PTPRT: variants seen among roughly 807,000 people sequenced by gnomAD.
PTPRT encodes the protein protein tyrosine phosphatase receptor type T, also known as receptor-type tyrosine-protein phosphatase T.
In PTPRT, 56 loss-of-function variants were observed where a neutral mutation model predicts 176.8. That is an observed-to-expected ratio of 0.32 (90% CI 0.26 to 0.40). The LOEUF is 0.40. Among genes scored for constraint, PTPRT ranks in the 10% least tolerant of loss-of-function variants. PTPRT has a pLI of 1.00. For synonymous variants in PTPRT, 783 were observed against 739.0 expected, an observed-to-expected ratio of 1.06 and a Z score of -0.96; for missense variants, 1,540 against 1,908.2, an observed-to-expected ratio of 0.81 and a Z score of 3.60.
intron 3 of PTPRT, among the ~76,000 whole-genome samples, chr20:42,786,905 T>A (rs567513544): frequency 1.3e-5 from 2 of 152,334 alleles, no homozygotes; most frequent in South Asian, 4.2e-4. Context: ...GACTTCACTA[T>A]GCAACTCTGG....
At chr20:42,992,582 T>G (rs563278208) in intron 1 of PTPRT, among the ~76,000 whole-genome samples, 1 of 152,350 alleles carries the variant, frequency 6.6e-6, no homozygotes, top group South Asian at 2.1e-4. Flanking sequence ...TTTAATGGCA[T>G]GTGTCAAGAT....
intron 1 of PTPRT, among the ~76,000 whole-genome samples, chr20:43,152,345 T>C (rs1420120510): frequency 2.0e-5 from 3 of 152,228 alleles, no homozygotes; most frequent in African/African-American, 7.2e-5. Context: ...TTGTATTACT[T>C]GTTTAAAATA....
intron 7 of PTPRT, among the ~76,000 whole-genome samples, chr20:42,593,341 C>T (rs2073613008): frequency 6.6e-6 from 1 of 152,184 alleles, no homozygotes; most frequent in Non-Finnish European, 1.5e-5. Flanking sequence ...GTTCACCACT[C>T]AGACACCCAC....
At chr20:42,725,315 C>T (rs1215265716) in intron 6 of PTPRT, among the ~76,000 whole-genome samples, 1 of 152,010 alleles carries the variant, frequency 6.6e-6, no homozygotes, top group African/African-American at 2.4e-5. Context: ...TCAATAAACT[C>T]TAACTAGAAA....
chr20:42,384,786 T>C (rs1046178613), intron 9 of PTPRT, among the ~76,000 whole-genome samples: 1 of 152,354 alleles, frequency 6.6e-6, no homozygotes, highest in Middle Eastern at 3.4e-3. Context: ...ATAGCTATCC[T>C]AGCCAGTGTG....
intron 1 of PTPRT, among the ~76,000 whole-genome samples, chr20:43,011,103 C>T (rs923571685): frequency 6.6e-6 from 1 of 152,216 alleles, no homozygotes; most frequent in African/African-American, 2.4e-5. Context: ...TAGTACGCTG[C>T]AGGGTGTTGG....
intron 1 of PTPRT, among the ~76,000 whole-genome samples, chr20:43,139,654 CTA>C (rs1003917595): frequency 1.3e-5 from 2 of 152,204 alleles, no homozygotes; most frequent in African/African-American, 4.8e-5. Flanking sequence ...ATTGATTTAC[CTA>C]TGAGGGAGGG....
intron 2 of PTPRT, among the ~76,000 whole-genome samples, chr20:42,873,446 G>A (rs1357928979): frequency 6.6e-6 from 1 of 152,172 alleles, no homozygotes; most frequent in Non-Finnish European, 1.5e-5. Context: ...AGATATCCCT[G>A]TTGGTGGGAA....
At chr20:42,525,298 C>A (rs2072248816) in intron 7 of PTPRT, among the ~76,000 whole-genome samples, 1 of 152,240 alleles carries the variant, frequency 6.6e-6, no homozygotes, top group African/African-American at 2.4e-5. Flanking sequence ...TCTTTTATTT[C>A]TGTAAATGTT....
intron 1 of PTPRT, among the ~76,000 whole-genome samples, chr20:43,027,605 C>T (rs930244164): frequency 6.6e-6 from 1 of 152,100 alleles, no homozygotes; most frequent in Non-Finnish European, 1.5e-5. Context: ...CGTGAGGACA[C>T]AGAAGTTGGC....
intron 1 of PTPRT, among the ~76,000 whole-genome samples, chr20:42,984,535 C>T (rs1983463741): frequency 1.3e-5 from 2 of 152,192 alleles, no homozygotes. Context: ...AGTAAAGTCT[C>T]CTTAGTTAAC....
In PTPRT at chr20:42,554,704, A is replaced by G. The variant is rs545377259; in HGVS notation, c.1154-82142T>C. ...GAGGCAATGATGGAAATCATTAAGC[A>G]TCATTGGAAGTGGTACATTTTTAGT... On this transcript the variant is annotated intron_variant, in intron 7 of 30. Coordinates refer to ENST00000373187, the MANE Select transcript of PTPRT (RefSeq NM_007050.6). Among the ~76,000 whole-genome samples the G allele has an allele frequency of 5.3e-5, 8 of 152,350 alleles. No individual in the cohort carries two copies. The East Asian group carries it at 1.5e-3, about 29-fold the overall frequency.
At chr20:42,133,061 T>G (rs1234812133) in intron 18 of PTPRT, among the ~76,000 whole-genome samples, 2 of 152,222 alleles carry the variant, frequency 1.3e-5, no homozygotes, top group African/African-American at 4.8e-5. Flanking sequence ...TGAGTACACA[T>G]ATAAACGTTC....
intron 11 of PTPRT, among the ~76,000 whole-genome samples, chr20:42,332,443 C>T (rs962972264): frequency 6.6e-6 from 1 of 152,066 alleles, no homozygotes; most frequent in Non-Finnish European, 1.5e-5. Flanking sequence ...ATTTCCTGAC[C>T]TGGTGATTCT....
intron 9 of PTPRT, among the ~76,000 whole-genome samples, chr20:42,383,340 ATG>A (rs1384978820): frequency 6.6e-6 from 1 of 151,948 alleles, no homozygotes; most frequent in Non-Finnish European, 1.5e-5. Context: ...TCCATGGCTT[ATG>A]TGACTGTGAG....
intron 12 of PTPRT, among the ~76,000 whole-genome samples, chr20:42,287,091 C>T (rs73120050): frequency 0.012 from 1,793 of 151,864 alleles, 43 homozygotes; most frequent in African/African-American, 0.041. Context: ...ATAACAAATG[C>T]TGCTGAGGAT....
At chr20:42,945,344 A>G (rs777983159) in intron 1 of PTPRT, among the ~76,000 whole-genome samples, 35 of 152,102 alleles carry the variant, frequency 2.3e-4, no homozygotes, top group Non-Finnish European at 4.7e-4. Context: ...GCCACCACCA[A>G]TCACAGCTCT....
chr20:43,130,574 GAAA>G (rs890007336), intron 1 of PTPRT, among the ~76,000 whole-genome samples: 2 of 151,492 alleles, frequency 1.3e-5, no homozygotes, highest in South Asian at 2.1e-4. Flanking sequence ...GAAGAATAAA[GAAA>G]AAAAGGAACT....
chr20:42,577,195 A>G (rs2073276211), intron 7 of PTPRT, among the ~76,000 whole-genome samples: 1 of 152,238 alleles, frequency 6.6e-6, no homozygotes, highest in Admixed American at 6.5e-5. Flanking sequence ...AGAACAGTAA[A>G]GAAACATCAG....
Sources: gnomAD v4.1 joint callset for allele counts (sites outside exome capture counted in the v4.1 genomes callset) on GRCh38, gnomAD v4.1.1 for gene constraint, MANE v1.5 for transcripts, NCBI Gene and HGNC (gene_info 2026-07-23, HGNC 2026-07-21) for gene names.